The following ATP10B variants were observed in gnomAD, a reference collection of about 807,000 sequenced individuals.
ATP10B encodes ATPase phospholipid transporting 10B (putative), also known as phospholipid-transporting ATPase VB.
ATP10B carries 122 observed loss-of-function variants against 141.2 expected under a neutral mutation model. The ratio of observed to expected loss-of-function variants is 0.86; its 90% CI spans 0.75 to 1.00. The LOEUF is 1.00. Among genes scored for constraint, ATP10B ranks in the 50% least tolerant of loss-of-function variants. The pLI is 0.00. For missense variants in ATP10B, 1,876 were observed against 1,825.3 expected (o/e 1.03, Z -0.51); for synonymous variants, 685 against 692.0 (o/e 0.99, Z 0.16).
chr5:160,693,403 A>AAC (rs3075585), intron 3 of ATP10B, among the ~76,000 whole-genome samples: 26,198 of 125,224 alleles, frequency 0.21, 2,798 homozygotes, highest in Non-Finnish European at 0.25. Context: ...TGGGTCAGAA[A>AAC]ACACACACAC....
intron 7 of ATP10B, among the ~76,000 whole-genome samples, chr5:160,661,682 G>A (rs1282794297): frequency 6.6e-6 from 1 of 152,146 alleles, no homozygotes; most frequent in East Asian, 1.9e-4. Context: ...CAAACCCACA[G>A]CCAATATCAT....
the ATP10B span, among the ~76,000 whole-genome samples, chr5:160,924,479 T>C: frequency 6.6e-6 from 1 of 152,250 alleles, no homozygotes; most frequent in East Asian, 1.9e-4. Context: ...GTATTAATTA[T>C]TAACTACTGT....
chr5:160,686,377 T>TC, intron 5 of ATP10B, 104 bp from the exon 6 acceptor site: 1 of 769,098 alleles, frequency 1.3e-6, no homozygotes, highest in Non-Finnish European at 1.9e-6. Flanking sequence ...AAACCTTCTC[T>TC]TTCAGTATCA....
chr5:160,770,501 C>CA (rs1769815677), intron 2 of ATP10B, among the ~76,000 whole-genome samples: 1 of 152,006 alleles, frequency 6.6e-6, no homozygotes, highest in Non-Finnish European at 1.5e-5. Context: ...ATGGTACTCT[C>CA]AAAAAACAAA....
chr5:160,645,286 C>A (rs1419936018), intron 8 of ATP10B, among the ~76,000 whole-genome samples: 2 of 152,220 alleles, frequency 1.3e-5, no homozygotes, highest in East Asian at 3.8e-4. Flanking sequence ...TGCTCATTGT[C>A]ATTCAGCTTC....
chr5:160,735,068 G>A (rs1029857877), intron 2 of ATP10B, among the ~76,000 whole-genome samples: 4 of 148,474 alleles, frequency 2.7e-5, no homozygotes, highest in Non-Finnish European at 4.5e-5. Context: ...AAGGAAGACA[G>A]GAAAGAAAGA....
intron 1 of ATP10B, among the ~76,000 whole-genome samples, chr5:160,817,737 G>C (rs983264851): frequency 3.3e-5 from 5 of 152,146 alleles, no homozygotes; most frequent in Non-Finnish European, 2.9e-5. Context: ...CACGCTACCT[G>C]ACTTTAAACT....
the ATP10B span, among the ~76,000 whole-genome samples, chr5:160,866,403 G>A: frequency 0.038 from 5,779 of 152,184 alleles, 126 homozygotes; most frequent in South Asian, 0.089. Context: ...GCTGGGTGTG[G>A]TGGCTCATGC....
At chr5:160,914,513 T>C in the ATP10B span, among the ~76,000 whole-genome samples, 1 of 152,248 alleles carries the variant, frequency 6.6e-6, no homozygotes, top group Non-Finnish European at 1.5e-5. Context: ...CCTTATATGA[T>C]GCAAATGCTA....
intron 3 of ATP10B, among the ~76,000 whole-genome samples, chr5:160,691,287 A>G (rs1029862223): frequency 6.6e-6 from 1 of 152,154 alleles, no homozygotes; most frequent in African/African-American, 2.4e-5. Flanking sequence ...GAAAACTACC[A>G]TGGCACAGGT....
At chr5:160,771,485 AAATT>A (rs1201619428) in intron 2 of ATP10B, among the ~76,000 whole-genome samples, 9 of 152,350 alleles carry the variant, frequency 5.9e-5, no homozygotes, top group African/African-American at 2.2e-4. Flanking sequence ...GATTTCTCAT[AAATT>A]TATTGTCCCT....
intron 16 of ATP10B, among the ~76,000 whole-genome samples, chr5:160,616,242 A>AG (rs1757989717): frequency 6.6e-6 from 1 of 152,152 alleles, no homozygotes; most frequent in Admixed American, 6.5e-5. Context: ...GTGGAAGGTG[A>AG]GGGGTATTAT....
intron 25 of ATP10B, among the ~76,000 whole-genome samples, chr5:160,567,107 C>T (rs1754593977): frequency 6.6e-6 from 1 of 152,114 alleles, no homozygotes; most frequent in South Asian, 2.1e-4. Flanking sequence ...CTGGAATTTC[C>T]TTAGTATAAA....
At chr5:160,821,075 CTTTG>C in intron 1 of ATP10B, among the ~76,000 whole-genome samples, 1 of 152,198 alleles carries the variant, frequency 6.6e-6, no homozygotes, top group East Asian at 1.9e-4. Context: ...GTCAAATTAT[CTTTG>C]TTTGCAGATT....
At chr5:160,923,413 G>A in the ATP10B span, among the ~76,000 whole-genome samples, 2 of 152,134 alleles carry the variant, frequency 1.3e-5, no homozygotes, top group South Asian at 2.1e-4. Flanking sequence ...ATCTGTAAAC[G>A]ATGATGACAG....
chr5:160,878,447 C>G, the ATP10B span, among the ~76,000 whole-genome samples: 3 of 152,142 alleles, frequency 2.0e-5, no homozygotes, highest in African/African-American at 7.2e-5. Flanking sequence ...AAAACCTAGG[C>G]ATTACCATTC....
the ATP10B span, among the ~76,000 whole-genome samples, chr5:160,889,393 C>A: frequency 6.6e-6 from 1 of 152,192 alleles, no homozygotes; most frequent in Non-Finnish European, 1.5e-5. Flanking sequence ...AGGCAGTGGA[C>A]CATGTGTAGT....
chr5:160,845,816 TATG>T (rs1376995902), intron 1 of ATP10B, among the ~76,000 whole-genome samples: 1 of 152,082 alleles, frequency 6.6e-6, no homozygotes, highest in Non-Finnish European at 1.5e-5. Context: ...GTGCTTCAAA[TATG>T]ATGACACCAA....
chr5:160,789,171 T>C (rs1199579418), intron 1 of ATP10B, among the ~76,000 whole-genome samples: 3 of 152,160 alleles, frequency 2.0e-5, no homozygotes, highest in Non-Finnish European at 4.4e-5. Context: ...AGTAGAGGCA[T>C]GTAGGCTGGG....
Sources: gnomAD v4.1 joint callset for allele counts (sites outside exome capture counted in the v4.1 genomes callset) on GRCh38, gnomAD v4.1.1 for gene constraint, MANE v1.5 for transcripts, NCBI Gene and HGNC (gene_info 2026-07-23, HGNC 2026-07-21) for gene names.